Variants in ANO10 observed in about 807,000 individuals in gnomAD.
ANO10 encodes anoctamin-10.
A neutral mutation model predicts 74.7 loss-of-function variants in ANO10; 77 were observed. That is an observed-to-expected ratio of 1.03 (90% CI 0.86 to 1.25). The LOEUF (loss-of-function observed/expected upper bound fraction) is 1.25. Among genes scored for constraint, ANO10 ranks in the 50% most tolerant of loss-of-function variants. The pLI, the probability that ANO10 is intolerant of heterozygous loss-of-function variation, is 0.00. For missense variants in ANO10, 721 were observed against 778.1 expected, an observed-to-expected ratio of 0.93 and a Z score of 0.87; for synonymous variants, 279 against 284.9, an observed-to-expected ratio of 0.98 and a Z score of 0.21.
chr3:43,366,811 G>A lies in ANO10; in HGVS notation c.*95C>T. On this transcript the variant is annotated 3_prime_UTR_variant, in exon 13 of 13. Coordinates refer to ENST00000292246, the MANE Select transcript of ANO10 (RefSeq NM_018075.5). ...CTAAGCATTGGGTCTGGGTTCAGGA[G>A]CCACGATGCTGCCCCGGGTACCCCC... The A allele has an allele frequency of 7.7e-7, 1 of 1,294,074 alleles. No homozygotes were observed. Among genetic ancestry groups the A allele is most frequent in the Non-Finnish European group, 1.1e-6 (1 of 915,908 alleles). The allele number at this position is 1,294,074 out of a possible 1,614,324, so 80.2% of individuals were successfully genotyped here.
At chr3:43,593,719 C>T (rs949160760) in intron 4 of ANO10, among the ~76,000 whole-genome samples, 1 of 152,180 alleles carries the variant, frequency 6.6e-6, no homozygotes, top group Non-Finnish European at 1.5e-5. Flanking sequence ...GCAAACTAAC[C>T]AGCTAACATC....
intron 1 of ANO10, among the ~76,000 whole-genome samples, chr3:43,647,186 T>TGTGTGA (rs1553609935): frequency 1.3e-5 from 2 of 151,454 alleles, no homozygotes; most frequent in African/African-American, 4.9e-5. Context: ...TGTGTGTGTG[T>TGTGTGA]GTGTGTATTC....
intron 11 of ANO10, among the ~76,000 whole-genome samples, chr3:43,541,938 C>T (rs957776624): frequency 3.3e-5 from 5 of 152,194 alleles, no homozygotes; most frequent in Non-Finnish European, 4.4e-5. Flanking sequence ...TCGACTAACG[C>T]ATTTCTTCTG....
intron 1 of ANO10, among the ~76,000 whole-genome samples, chr3:43,620,852 T>C (rs2083359448): frequency 6.6e-6 from 1 of 152,264 alleles, no homozygotes; most frequent in African/African-American, 2.4e-5. Context: ...CCTTCCATTA[T>C]TTTAGATCTT....
chr3:43,398,840 GT>G (rs1229866432), intron 12 of ANO10, among the ~76,000 whole-genome samples: 1 of 152,126 alleles, frequency 6.6e-6, no homozygotes, highest in Admixed American at 6.6e-5. Context: ...ATCTCATAGA[GT>G]TTTTTGAGAA....
chr3:43,540,777 G>C (rs1259979882), intron 11 of ANO10, among the ~76,000 whole-genome samples: 1 of 152,208 alleles, frequency 6.6e-6, no homozygotes, highest in East Asian at 1.9e-4. Flanking sequence ...AACAGGGGAA[G>C]GAGGTGAAGA....
rs1422782022 is a variant in ANO10, at chr3:43,392,134, C to T, written c.1915-25160G>A. On this transcript the variant is annotated intron_variant, in intron 12 of 12. Coordinates refer to ENST00000292246, the MANE Select transcript of ANO10 (RefSeq NM_018075.5). Reference sequence around the variant, plus strand: ...CTCCTGTCTCCTGATTATTTAACTTCTCTCTCTCAACTGAATCTTTCTCAC... The same window carrying T: ...CTCCTGTCTCCTGATTATTTAACTTTTCTCTCTCAACTGAATCTTTCTCAC... Among the ~76,000 whole-genome samples the T allele has an allele frequency of 7.2e-5, 11 of 152,110 alleles. No homozygotes were observed. In the East Asian group the frequency reaches 2.1e-3, roughly 29 times the overall value.
chr3:43,377,870 T>A (rs2091854241), intron 12 of ANO10, among the ~76,000 whole-genome samples: 1 of 152,186 alleles, frequency 6.6e-6, no homozygotes, highest in Non-Finnish European at 1.5e-5. Context: ...AGAATAGGAA[T>A]AAACACTCTA....
chr3:43,648,630 G>A (rs1363479207), intron 1 of ANO10, among the ~76,000 whole-genome samples: 3 of 151,142 alleles, frequency 2.0e-5, no homozygotes, highest in African/African-American at 2.4e-5. Flanking sequence ...ATCGATCGGA[G>A]GTCACTCTCG....
intron 11 of ANO10, among the ~76,000 whole-genome samples, chr3:43,507,657 C>T (rs1344947104): frequency 1.3e-5 from 2 of 152,016 alleles, no homozygotes; most frequent in Non-Finnish European, 2.9e-5. Context: ...CAGGGACACT[C>T]AGGAAAGGCA....
rs2080270264 is a variant in ANO10 at position 43,565,553 on chromosome 3, T to G, written c.1293+100A>C. On this transcript the variant is annotated intron_variant, in intron 8 of 12. Coordinates refer to ENST00000292246, the MANE Select transcript of ANO10 (RefSeq NM_018075.5). ...TAAAAACATACAAAATTTAAAAGAT[T>G]TTATTTGTAAAAATAATTTGAAGGC... is the stretch of plus-strand genomic sequence containing the variant. The G allele has an allele frequency of 3.1e-6, 3 of 981,884 alleles. No homozygotes were observed. In the African/African-American group the frequency reaches 5.0e-5, roughly 16 times the overall value. The allele number at this position is 981,884 out of a possible 1,614,324, so 60.8% of individuals were successfully genotyped here. A position where few individuals can be genotyped will look rare whatever the true frequency, so the allele number is the denominator to read the frequency against.
chr3:43,592,833 T>A (rs2081863478), intron 4 of ANO10, among the ~76,000 whole-genome samples: 1 of 152,160 alleles, frequency 6.6e-6, no homozygotes, highest in South Asian at 2.1e-4. Flanking sequence ...TTGGAACCCA[T>A]CGCAAACAAG....
chr3:43,532,215 T>C (rs922253386), intron 11 of ANO10, among the ~76,000 whole-genome samples: 1 of 152,226 alleles, frequency 6.6e-6, no homozygotes, highest in African/African-American at 2.4e-5. Context: ...AAAGAGGCAA[T>C]AGTCACTGAT....
Position 43,552,697 on chromosome 3 carries a change from GATATATATATATATATAT to G in ANO10, c.1668+2563_1668+2580del, listed in dbSNP as rs57438732. Among the ~76,000 whole-genome samples the G allele has an allele frequency of 8.0e-5, 10 of 124,484 alleles. No individual in the cohort carries two copies. In the Admixed American group the frequency reaches 8.2e-4, roughly 10 times the overall value. The allele number at this position is 124,484 out of a possible 152,430, so 81.7% of individuals were successfully genotyped here. On this transcript the variant is annotated intron_variant, in intron 10 of 12. Transcript: ENST00000292246. ...TCATTTCTGAAAAATATTATCTCTG[GATATATATATATATATAT>G]ATATATATATATATGTATGTATGTA... is the stretch of plus-strand genomic sequence containing the variant.
At chr3:43,436,755 AAG>A (rs1353682235) in intron 11 of ANO10, among the ~76,000 whole-genome samples, 1 of 152,228 alleles carries the variant, frequency 6.6e-6, no homozygotes, top group Non-Finnish European at 1.5e-5. Flanking sequence ...TGCCAGCTGC[AAG>A]GAGAGCCAGC....
chr3:43,469,843 C>A (rs557432367), intron 11 of ANO10, among the ~76,000 whole-genome samples: 36 of 152,254 alleles, frequency 2.4e-4, no homozygotes, highest in African/African-American at 8.4e-4. Flanking sequence ...TAATCCAGCT[C>A]TTTCTTAGAT....
intron 1 of ANO10, among the ~76,000 whole-genome samples, chr3:43,608,184 A>G (rs1026030227): frequency 6.6e-6 from 1 of 152,192 alleles, no homozygotes; most frequent in Non-Finnish European, 1.5e-5. Context: ...AAGAGAGAGA[A>G]AATTCTTAAA....
At chr3:43,679,309 G>A (rs528975246) in intron 1 of ANO10, among the ~76,000 whole-genome samples, 123 of 152,296 alleles carry the variant, frequency 8.1e-4, no homozygotes, top group African/African-American at 2.8e-3. Context: ...TGCATGGCTC[G>A]GAGGGTCCTA....
At chr3:43,398,427 C>T (rs568969578) in intron 12 of ANO10, among the ~76,000 whole-genome samples, 214 of 152,250 alleles carry the variant, frequency 1.4e-3, no homozygotes, top group Non-Finnish European at 2.4e-3. Flanking sequence ...AGTAATATAT[C>T]GCTTTGTAAA....
Sources: gnomAD v4.1 joint callset for allele counts (sites outside exome capture counted in the v4.1 genomes callset) on GRCh38, gnomAD v4.1.1 for gene constraint, MANE v1.5 for transcripts, NCBI Gene and HGNC (gene_info 2026-07-23, HGNC 2026-07-21) for gene names.